Variants in KAT6B observed in about 807,000 individuals in gnomAD.
KAT6B encodes the protein lysine acetyltransferase 6B.
In KAT6B, 10 loss-of-function variants were observed where a neutral mutation model predicts 187.5. The ratio of observed to expected loss-of-function variants is 0.05; its 90% CI spans 0.03 to 0.09. The LOEUF (loss-of-function observed/expected upper bound fraction) is 0.09. Ranked by LOEUF, KAT6B falls within the 10% of genes least tolerant of loss-of-function variation. KAT6B has a pLI of 1.00. For missense variants in KAT6B, 1,952 were observed against 2,558.9 expected, an observed-to-expected ratio of 0.76 and a Z score of 5.12; for synonymous variants, 861 against 926.8, an observed-to-expected ratio of 0.93 and a Z score of 1.29.
intron 2 of KAT6B, among the ~76,000 whole-genome samples, chr10:74,839,323 T>G (rs1841553555): frequency 6.6e-6 from 1 of 151,196 alleles, no homozygotes; most frequent in Non-Finnish European, 1.5e-5. Flanking sequence ...CTCTGCCTCC[T>G]GGGTTCAAGC....
intron 3 of KAT6B, among the ~76,000 whole-genome samples, chr10:74,948,058 T>C (rs1403285278): frequency 6.6e-6 from 1 of 152,174 alleles, no homozygotes; most frequent in Non-Finnish European, 1.5e-5. Context: ...CTCTTGACCT[T>C]CAGGTAGTAA....
At chr10:74,976,531 C>T in intron 8 of KAT6B, 1 of 624,916 alleles carries the variant, frequency 1.6e-6, no homozygotes, top group South Asian at 1.9e-5. Context: ...GTTTTTCCAA[C>T]TAATACTCTC....
At position 75,020,678 on chromosome 10, in the gene KAT6B, T is replaced by C. The variant is rs1221996810; in HGVS notation, c.2726T>C (p.Val909Ala). ...RLSYLAYWKS[V>A]ILEYLYHHHE... Reference sequence around the variant, plus strand: ...TCCTACCTGGCATATTGGAAGAGCGTCATCTTGGAGTATCTCTACCACCAC... The same window carrying C: ...TCCTACCTGGCATATTGGAAGAGCGCCATCTTGGAGTATCTCTACCACCAC... Residue 909 changes from valine to alanine, a missense_variant, in exon 14 of 18, where the codon GTC (valine) becomes GCC (alanine). Coordinates refer to ENST00000287239, the MANE Select transcript of KAT6B (RefSeq NM_012330.4). The C allele has an allele frequency of 6.2e-7, 1 of 1,614,030 alleles. No individual in the cohort carries two copies. Among genetic ancestry groups the C allele is most frequent in the Non-Finnish European group, 8.5e-7 (1 of 1,180,016 alleles).
chr10:74,830,769 T>TATATATATGTATATATATATA (rs58702000), intron 1 of KAT6B, among the ~76,000 whole-genome samples: 2 of 7,738 alleles, frequency 2.6e-4, no homozygotes, highest in African/African-American at 3.6e-4. Context: ...TATATATATA[T>TATATATATGTATATATATATA]TTTTTTTTTT....
intron 13 of KAT6B, among the ~76,000 whole-genome samples, chr10:74,996,355 C>A (rs902595895): frequency 2.0e-5 from 3 of 152,156 alleles, no homozygotes; most frequent in Admixed American, 1.3e-4. Context: ...CAGAGGGGAG[C>A]AGCATATTCA....
intron 12 of KAT6B, among the ~76,000 whole-genome samples, chr10:74,987,584 A>G (rs561561292): frequency 1.3e-5 from 2 of 152,362 alleles, no homozygotes; most frequent in East Asian, 1.9e-4. Flanking sequence ...AATGACCTGG[A>G]AAGGTTCAGT....
chr10:74,925,988 G>A (rs1589636318), intron 3 of KAT6B, among the ~76,000 whole-genome samples: 2 of 152,306 alleles, frequency 1.3e-5, no homozygotes, highest in Middle Eastern at 3.4e-3. Context: ...AGATAACTGC[G>A]CAGTACAGTG....
chr10:74,830,956 T>G (rs1448170336), intron 1 of KAT6B, among the ~76,000 whole-genome samples: 2 of 150,392 alleles, frequency 1.3e-5, no homozygotes, highest in East Asian at 3.9e-4. Flanking sequence ...ACCAGCTAAT[T>G]TTTTGTATTT....
chr10:74,911,202 T>A (rs1847178041), intron 3 of KAT6B, among the ~76,000 whole-genome samples: 1 of 152,194 alleles, frequency 6.6e-6, no homozygotes, highest in Admixed American at 6.5e-5. Flanking sequence ...GTAAACATGC[T>A]TTAAAAAATT....
chr10:74,850,328 T>C (rs938784180), intron 3 of KAT6B, among the ~76,000 whole-genome samples: 1 of 152,192 alleles, frequency 6.6e-6, no homozygotes, highest in Non-Finnish European at 1.5e-5. Context: ...GTTTTTAAAG[T>C]AGATACTATT....
intron 3 of KAT6B, among the ~76,000 whole-genome samples, chr10:74,938,218 G>A (rs561212311): frequency 6.6e-6 from 1 of 152,162 alleles, no homozygotes; most frequent in African/African-American, 2.4e-5. Context: ...GAGCTTGTTT[G>A]AAATGCAGGA....
intron 3 of KAT6B, among the ~76,000 whole-genome samples, chr10:74,905,158 T>C (rs1202308834): frequency 6.6e-6 from 1 of 152,194 alleles, no homozygotes; most frequent in Non-Finnish European, 1.5e-5. Flanking sequence ...TATGGGAATT[T>C]GACAGTACAA....
At chr10:74,982,333 C>CG in intron 11 of KAT6B, 1 of 233,750 alleles carries the variant, frequency 4.3e-6, no homozygotes. Context: ...CTCCTCAATA[C>CG]ACAACCACCT....
intron 13 of KAT6B, among the ~76,000 whole-genome samples, chr10:75,014,714 C>T (rs138156816): frequency 2.6e-5 from 4 of 152,286 alleles, no homozygotes; most frequent in East Asian, 3.9e-4. Flanking sequence ...CCTACTGAAC[C>T]GGAGTCCATG....
At chr10:74,918,390 T>C (rs1847863276) in intron 3 of KAT6B, among the ~76,000 whole-genome samples, 1 of 152,208 alleles carries the variant, frequency 6.6e-6, no homozygotes, top group Non-Finnish European at 1.5e-5. Flanking sequence ...GCATGTTATC[T>C]AGATGCTCAG....
chr10:74,873,213 T>C (rs572000005), intron 3 of KAT6B, among the ~76,000 whole-genome samples: 2 of 151,538 alleles, frequency 1.3e-5, no homozygotes, highest in African/African-American at 4.8e-5. Flanking sequence ...ATAATTTCAG[T>C]GCTTTGGGAG....
At position 74,856,962 on chromosome 10, in the gene KAT6B, A is replaced by G. The variant is rs191129620; in HGVS notation, c.621+13484A>G. ...GATGTTGTATATTTCTTCTTGTGAG[A>G]TACCAGGAGATAAATAATTTCAGCT... is the stretch of plus-strand genomic sequence containing the variant. On this transcript the variant is annotated intron_variant, in intron 3 of 17. Coordinates refer to ENST00000287239, the MANE Select transcript of KAT6B (RefSeq NM_012330.4). 3.0e-3 allele frequency among the ~76,000 whole-genome samples: 452 copies of G among 152,306 alleles called. 2 individuals are homozygous for G. Among genetic ancestry groups the G allele is most frequent in the African/African-American group, 0.01 (426 of 41,574 alleles).
In KAT6B at chr10:74,976,269, G is replaced by A. The variant is rs1356006219; in HGVS notation, c.1932G>A (p.Gly644=). The A allele has an allele frequency of 1.2e-6, 2 of 1,613,906 alleles. No individual in the cohort carries two copies. The highest frequency in any genetic ancestry group is 8.5e-7 in the Non-Finnish European group (1 of 1,180,016). ...AATATAAAGTGACCCCTCAGATGGGGACCCCCTCACCAGGGAAGGGGAGCT... is the reference window on the plus strand; with the variant it reads ...AATATAAAGTGACCCCTCAGATGGGAACCCCCTCACCAGGGAAGGGGAGCT... ...RLKYKVTPQM[G]TPSPGKGSLT... is the part of the protein sequence containing the mutation. Residue 644 remains glycine (G), a synonymous_variant, in exon 8 of 18, where the codon GGG becomes GGA. Coordinates refer to ENST00000287239, the MANE Select transcript of KAT6B (RefSeq NM_012330.4).
At chr10:74,939,176 T>C (rs185357356) in intron 3 of KAT6B, among the ~76,000 whole-genome samples, 90 of 152,162 alleles carry the variant, frequency 5.9e-4, no homozygotes, top group African/African-American at 2.0e-3. Flanking sequence ...AGAGCAGAGT[T>C]TGGTTTACTA....
Sources: gnomAD v4.1 joint callset for allele counts (sites outside exome capture counted in the v4.1 genomes callset) on GRCh38, gnomAD v4.1.1 for gene constraint, MANE v1.5 for transcripts, NCBI Gene and HGNC (gene_info 2026-07-23, HGNC 2026-07-21) for gene names.